SLC35F4: variants seen among roughly 807,000 people sequenced by gnomAD.
SLC35F4 encodes the protein solute carrier family 35 member F4.
Under a neutral mutation model 44.2 loss-of-function variants are expected in SLC35F4, and 24 were observed. The ratio of observed to expected loss-of-function variants is 0.54; its 90% CI spans 0.39 to 0.76. SLC35F4 has a LOEUF of 0.76. Ranked by LOEUF, SLC35F4 falls within the 30% of genes least tolerant of loss-of-function variation. The pLI is 0.00. For synonymous variants in SLC35F4, 238 were observed against 223.6 expected, an observed-to-expected ratio of 1.06 and a Z score of -0.57; for missense variants, 562 against 586.1, an observed-to-expected ratio of 0.96 and a Z score of 0.42.
At chr14:57,647,046 G>A (rs551650061) in intron 1 of SLC35F4, among the ~76,000 whole-genome samples, 90 of 152,244 alleles carry the variant, frequency 5.9e-4, no homozygotes, top group African/African-American at 2.0e-3. Context: ...TTCCAACTAT[G>A]TGGTCAATTT....
rs562928350 is a variant in SLC35F4, at chr14:57,848,404, C to T, written c.103+17319G>A. On this transcript the variant is annotated intron_variant, in intron 1 of 7. Coordinates refer to ENST00000556826, the MANE Select transcript of SLC35F4 (RefSeq NM_001306087.2). ...GAATTGAGTGAATCTGTATACGCTG[C>T]CCACTGAGGCTCCCAGGTTTCTTTC... is the stretch of plus-strand genomic sequence containing the variant. Among the ~76,000 whole-genome samples the T allele has an allele frequency of 3.9e-5, 6 of 152,290 alleles. No homozygotes were observed. The South Asian group carries it at 1.0e-3, about 26-fold the overall frequency.
intron 1 of SLC35F4, among the ~76,000 whole-genome samples, chr14:57,624,586 C>T (rs539499182): frequency 6.6e-6 from 1 of 152,298 alleles, no homozygotes; most frequent in South Asian, 2.1e-4. Flanking sequence ...TCCAGCAGCA[C>T]ATCAAAAAGT....
intron 1 of SLC35F4, among the ~76,000 whole-genome samples, chr14:57,965,728 T>C (rs897688099): frequency 2.6e-5 from 4 of 152,344 alleles, no homozygotes; most frequent in African/African-American, 9.6e-5. Flanking sequence ...GAGGTCCTAA[T>C]GGGGACCCAA....
At chr14:57,904,435 T>G (rs963361254) in intron 1 of SLC35F4, among the ~76,000 whole-genome samples, 4 of 152,200 alleles carry the variant, frequency 2.6e-5, no homozygotes, top group Admixed American at 2.0e-4. Flanking sequence ...TTACATGGAC[T>G]CCCATGTTCC....
intron 1 of SLC35F4, among the ~76,000 whole-genome samples, chr14:57,652,331 A>T (rs2073812056): frequency 6.6e-6 from 1 of 152,170 alleles, no homozygotes; most frequent in Non-Finnish European, 1.5e-5. Flanking sequence ...TGGCTCCTCC[A>T]GTTTCCCTAG....
chr14:57,624,540 A>G (rs1205973643), intron 1 of SLC35F4, among the ~76,000 whole-genome samples: 1 of 152,194 alleles, frequency 6.6e-6, no homozygotes, highest in Non-Finnish European at 1.5e-5. Context: ...ATGAACATTG[A>G]TGTGAAAATC....
At chr14:57,973,505 T>G (rs1249703454), downstream of SLC35F4, among the ~76,000 whole-genome samples, 53 of 152,196 alleles carry the variant, frequency 3.5e-4, no homozygotes, top group Admixed American at 3.5e-3. Flanking sequence ...TCTGTGGTTC[T>G]GTTTTCCTGC....
intron 1 of SLC35F4, among the ~76,000 whole-genome samples, chr14:57,849,693 A>C (rs543659674): frequency 3.3e-5 from 5 of 152,350 alleles, no homozygotes; most frequent in African/African-American, 9.6e-5. Context: ...GTTTAAAAAT[A>C]AAGTACAACA....
At chr14:57,649,997 T>C (rs2073718890) in intron 1 of SLC35F4, among the ~76,000 whole-genome samples, 1 of 152,100 alleles carries the variant, frequency 6.6e-6, no homozygotes, top group South Asian at 2.1e-4. Flanking sequence ...CCTTCAGTCT[T>C]TAAACACTCA....
intron 1 of SLC35F4, among the ~76,000 whole-genome samples, chr14:57,680,075 G>T (rs930063558): frequency 1.3e-5 from 2 of 151,954 alleles, no homozygotes; most frequent in African/African-American, 4.8e-5. Flanking sequence ...AACAAAAAAA[G>T]GAAATTTCAG....
intron 1 of SLC35F4, among the ~76,000 whole-genome samples, chr14:57,716,386 A>C (rs2075944665): frequency 6.6e-6 from 1 of 152,192 alleles, no homozygotes; most frequent in South Asian, 2.1e-4. Context: ...CACATGTGAA[A>C]AATCAGACCT....
intron 1 of SLC35F4, chr14:57,630,238 A>G: frequency 3.6e-6 from 2 of 560,266 alleles, no homozygotes; most frequent in Non-Finnish European, 7.0e-6. Flanking sequence ...TATGATGATG[A>G]TGACAGATAC....
chr14:57,770,671 T>G (rs1015567587), intron 1 of SLC35F4, among the ~76,000 whole-genome samples: 11 of 152,128 alleles, frequency 7.2e-5, no homozygotes, highest in African/African-American at 2.7e-4. Flanking sequence ...GGTGGGCAAC[T>G]GGGATTTGCA....
chr14:57,647,362 C>T (rs1209109354), intron 1 of SLC35F4, among the ~76,000 whole-genome samples: 3 of 152,088 alleles, frequency 2.0e-5, no homozygotes, highest in African/African-American at 7.2e-5. Context: ...GAATTGACCC[C>T]TTTACCATTA....
intron 1 of SLC35F4, among the ~76,000 whole-genome samples, chr14:57,749,495 C>A (rs372086779): frequency 1.5e-4 from 22 of 151,434 alleles, no homozygotes; most frequent in African/African-American, 4.9e-4. Flanking sequence ...CACAGCAGTA[C>A]CATGCATGGG....
rs551427960 is a variant in SLC35F4 at position 57,619,393 on chromosome 14, G to A, written c.104-25269C>T. Among the ~76,000 whole-genome samples, 4 of 152,146 alleles carry A rather than the reference G, an allele frequency of 2.6e-5. No individual in the cohort carries two copies. In the East Asian group the frequency reaches 7.7e-4, roughly 29 times the overall value. On this transcript the variant is annotated intron_variant, in intron 1 of 7. Transcript: ENST00000556826. ...TGCAGCCTCCGCTGGTGATACCCAG[G>A]CAAAAAAGGTCTGGAGTGGACCTCC... is the stretch of plus-strand genomic sequence containing the variant.
At chr14:57,779,701 A>AG in intron 1 of SLC35F4, among the ~76,000 whole-genome samples, 1 of 152,168 alleles carries the variant, frequency 6.6e-6, no homozygotes, top group Non-Finnish European at 1.5e-5. Flanking sequence ...CTGGCAAAGC[A>AG]AATCCAGCAG....
intron 1 of SLC35F4, among the ~76,000 whole-genome samples, chr14:57,739,428 G>A (rs185500970): frequency 6.6e-6 from 1 of 152,324 alleles, no homozygotes; most frequent in East Asian, 1.9e-4. Flanking sequence ...GAACTGGTTT[G>A]GGGAATTACT....
At chr14:57,810,656 T>C (rs916731793) in intron 1 of SLC35F4, among the ~76,000 whole-genome samples, 2 of 152,240 alleles carry the variant, frequency 1.3e-5, no homozygotes, top group African/African-American at 2.4e-5. Context: ...GTAAGCTGTA[T>C]AGCCCCTTCT....
Sources: gnomAD v4.1 joint callset for allele counts (sites outside exome capture counted in the v4.1 genomes callset) on GRCh38, gnomAD v4.1.1 for gene constraint, MANE v1.5 for transcripts, NCBI Gene and HGNC (gene_info 2026-07-23, HGNC 2026-07-21) for gene names.